Variants in CSMD1 observed in about 807,000 individuals in gnomAD.
CSMD1 encodes the protein CUB and sushi domain-containing protein 1.
In CSMD1, 213 loss-of-function variants were observed where a neutral mutation model predicts 417.5. That is an observed-to-expected ratio of 0.51 (90% CI 0.46 to 0.57). The LOEUF is 0.57. CSMD1 is among the 20% of genes least tolerant of loss of function. The pLI, the probability that CSMD1 is intolerant of heterozygous loss-of-function variation, is 0.00. For missense variants in CSMD1, 6,923 were observed against 4,529.7 expected (o/e 1.53, Z -15.17); for synonymous variants, 2,862 against 1,736.8 (o/e 1.65, Z -16.11).
At chr8:3,193,730 G>T (rs1249554754) in intron 33 of CSMD1, among the ~76,000 whole-genome samples, 4 of 152,144 alleles carry the variant, frequency 2.6e-5, no homozygotes, top group African/African-American at 9.7e-5. Context: ...CCAGACAACC[G>T]TGTTTCTTCA....
chr8:4,574,535 C>T (rs938741114), intron 2 of CSMD1, among the ~76,000 whole-genome samples: 3 of 152,174 alleles, frequency 2.0e-5, no homozygotes, highest in Non-Finnish European at 4.4e-5. Flanking sequence ...GTGATGGTCT[C>T]ACTGGGAGCT....
At chr8:3,702,660 A>G (rs560576530) in intron 7 of CSMD1, among the ~76,000 whole-genome samples, 31 of 152,280 alleles carry the variant, frequency 2.0e-4, no homozygotes, top group Non-Finnish European at 3.8e-4. Context: ...GTGAAACCCC[A>G]TATCTACTAA....
intron 1 of CSMD1, among the ~76,000 whole-genome samples, chr8:4,873,879 C>T (rs569664930): frequency 2.9e-4 from 44 of 151,852 alleles, no homozygotes; most frequent in African/African-American, 5.3e-4. Flanking sequence ...TGAAGCACTA[C>T]GGCTTTTAGA....
intron 7 of CSMD1, among the ~76,000 whole-genome samples, chr8:3,622,658 T>C (rs1466325052): frequency 6.6e-6 from 1 of 152,184 alleles, no homozygotes. Context: ...CAAAAAGTGA[T>C]TAGAGATTAA....
intron 41 of CSMD1, among the ~76,000 whole-genome samples, chr8:3,139,097 A>G (rs750994710): frequency 5.3e-5 from 8 of 152,094 alleles, no homozygotes; most frequent in Non-Finnish European, 1.2e-4. Context: ...GGGAAGCAAA[A>G]CTGCGAGCTC....
At chr8:3,343,141 T>G (rs1190628588) in intron 23 of CSMD1, among the ~76,000 whole-genome samples, 153 bp downstream of exon 23, 1 of 152,122 alleles carries the variant, frequency 6.6e-6, no homozygotes, top group African/African-American at 2.4e-5. Context: ...TGTCCGAATA[T>G]ACAACCAGTC....
chr8:4,174,854 C>A (rs1433593924), intron 3 of CSMD1, among the ~76,000 whole-genome samples: 2 of 146,712 alleles, frequency 1.4e-5, no homozygotes, highest in Non-Finnish European at 3.0e-5. Flanking sequence ...CTCAAAATTT[C>A]AGATAAAATA....
At chr8:3,034,821 CTG>C in intron 50 of CSMD1, among the ~76,000 whole-genome samples, 1 of 152,142 alleles carries the variant, frequency 6.6e-6, no homozygotes, top group East Asian at 1.9e-4. Flanking sequence ...TAAGATAAAA[CTG>C]AGAAATATAG....
intron 3 of CSMD1, among the ~76,000 whole-genome samples, chr8:4,131,788 A>G (rs960597979): frequency 2.0e-5 from 2 of 100,324 alleles, no homozygotes; most frequent in Non-Finnish European, 3.6e-5. Flanking sequence ...TTTGAGACGG[A>G]GTCTCGCTCT....
chr8:4,139,894 G>T lies in CSMD1; in HGVS notation c.416-107795C>A, dbSNP rs552899711. On this transcript the variant is annotated intron_variant, in intron 3 of 69. Transcript: ENST00000635120. ...CAGCATGTTCATCAGAAGCAAGGGT[G>T]GAAGGGAGGACACCTCATCTTCAGA... Among the ~76,000 whole-genome samples the T allele has an allele frequency of 7.3e-5, 11 of 151,094 alleles. No individual in the cohort carries two copies. The South Asian group carries it at 1.2e-3, about 17-fold the overall frequency.
rs184757729 is a variant in CSMD1, at chr8:3,545,950, C to T, written c.1344+28995G>A. On this transcript the variant is annotated intron_variant, in intron 10 of 69. Coordinates refer to ENST00000635120, the MANE Select transcript of CSMD1 (RefSeq NM_033225.6). ...CTAGGACAGGGTGCAGTGGGAGAAA[C>T]TGGAAAGGTTTAGCTCCTAAGCCAA... is the stretch of plus-strand genomic sequence containing the variant. Among the ~76,000 whole-genome samples the T allele has an allele frequency of 9.7e-4, 148 of 152,234 alleles. 1 individual carries two copies. The highest frequency in any genetic ancestry group is 3.4e-3 in the African/African-American group (143 of 41,538).
In CSMD1 at chr8:4,114,813, G is replaced by A. The variant is rs571999584; in HGVS notation, c.416-82714C>T. Among the ~76,000 whole-genome samples the A allele has an allele frequency of 2.4e-4, 37 of 152,268 alleles. No individual in the cohort carries two copies. The East Asian group carries it at 6.8e-3, about 28-fold the overall frequency. ...TGCAGATGTGGTAGAAATAGCGAGA[G>A]GTAAAATTAGAAGGGGAGGCTGAAG... On this transcript the variant is annotated intron_variant, in intron 3 of 69. Coordinates refer to ENST00000635120, the MANE Select transcript of CSMD1 (RefSeq NM_033225.6).
At chr8:4,817,057 A>G (rs928015555) in intron 1 of CSMD1, among the ~76,000 whole-genome samples, 2 of 152,230 alleles carry the variant, frequency 1.3e-5, no homozygotes, top group Non-Finnish European at 2.9e-5. Flanking sequence ...ATAGACATAT[A>G]TGAAGAACTA....
At chr8:4,856,337 C>A (rs1164513314) in intron 1 of CSMD1, among the ~76,000 whole-genome samples, 4 of 145,386 alleles carry the variant, frequency 2.8e-5, no homozygotes, top group African/African-American at 5.2e-5. Context: ...ACCATCGAGA[C>A]TAGGAAGAAA....
intron 3 of CSMD1, among the ~76,000 whole-genome samples, chr8:4,093,953 G>A (rs777924573): frequency 6.8e-6 from 1 of 146,330 alleles, no homozygotes; most frequent in Admixed American, 6.8e-5. Context: ...GAGTGACTGA[G>A]ACTACATCTC....
rs147731095 is a variant in CSMD1 at position 4,027,974 on chromosome 8, G to T, written c.610+3931C>A. Among the ~76,000 whole-genome samples, 3 of 152,232 alleles carry T rather than the reference G, an allele frequency of 2.0e-5. No individual in the cohort carries two copies. In the East Asian group the frequency reaches 5.8e-4, roughly 29 times the overall value. On this transcript the variant is annotated intron_variant, in intron 4 of 69. Transcript: ENST00000635120. ...AAAGAATATATTTAGGATGCCCAAT[G>T]GCACTCTCTTAAGTGAGATCAATTA...
At chr8:4,790,694 T>A (rs1197436163) in intron 1 of CSMD1, among the ~76,000 whole-genome samples, 1 of 152,150 alleles carries the variant, frequency 6.6e-6, no homozygotes, top group Non-Finnish European at 1.5e-5. Context: ...TATAACCATC[T>A]GATATTTTAC....
intron 3 of CSMD1, among the ~76,000 whole-genome samples, chr8:4,194,270 A>C (rs1303159419): frequency 6.6e-6 from 1 of 152,214 alleles, no homozygotes; most frequent in Non-Finnish European, 1.5e-5. Context: ...TTTAGAAATT[A>C]TAATGAAGGA....
chr8:4,083,111 G>A (rs769491062), intron 3 of CSMD1, among the ~76,000 whole-genome samples: 2 of 151,972 alleles, frequency 1.3e-5, no homozygotes, highest in South Asian at 2.1e-4. Flanking sequence ...ATGATTTATA[G>A]TCCTTTTAGT....
Sources: gnomAD v4.1 joint callset for allele counts (sites outside exome capture counted in the v4.1 genomes callset) on GRCh38, gnomAD v4.1.1 for gene constraint, MANE v1.5 for transcripts, NCBI Gene and HGNC (gene_info 2026-07-23, HGNC 2026-07-21) for gene names.